The following DMD variants were observed in gnomAD, a reference collection of about 807,000 sequenced individuals.
The protein encoded by DMD is mutant dystrophin.
Under a neutral mutation model 330.1 loss-of-function variants are expected in DMD, and 63 were observed. The observed-to-expected ratio is 0.19, with a 90% CI of 0.16 to 0.24. The LOEUF (loss-of-function observed/expected upper bound fraction) is 0.24, where lower values mean the gene tolerates loss of function less well. Among genes scored for constraint, DMD ranks in the 10% least tolerant of loss-of-function variants. The pLI, the probability that DMD is intolerant of heterozygous loss-of-function variation, is 1.00. For synonymous variants in DMD, 1,223 were observed against 959.8 expected (o/e 1.27, Z -5.07); for missense variants, 3,344 against 2,684.1 (o/e 1.25, Z -5.43).
intron 44 of DMD, among the ~76,000 whole-genome samples, chrX:32,115,164 A>C (rs1282484450): frequency 9.0e-6 from 1 of 110,926 alleles, no homozygotes; most frequent in Non-Finnish European, 1.9e-5. Flanking sequence ...TCTTTTCCCA[A>C]ACTCTCCTCC....
intron 44 of DMD, among the ~76,000 whole-genome samples, chrX:32,154,316 T>C (rs936616784): frequency 1.8e-5 from 2 of 112,161 alleles, no homozygotes; most frequent in Non-Finnish European, 3.8e-5. Flanking sequence ...AAACTCTTAC[T>C]GAAAGGAAAA....
intron 60 of DMD, among the ~76,000 whole-genome samples, chrX:31,393,329 T>A (rs2060761504): frequency 9.1e-6 from 1 of 109,788 alleles, no homozygotes; most frequent in Non-Finnish European, 1.9e-5. Context: ...ATACAAAAAT[T>A]AGCCGGGCAT....
chrX:31,497,444 A>G (rs1021484762), intron 56 of DMD, among the ~76,000 whole-genome samples: 1 of 111,197 alleles, frequency 9.0e-6, no homozygotes, highest in Non-Finnish European at 1.9e-5. Context: ...CCTCTTCCCA[A>G]ATGCGTCTCC....
At chrX:33,230,968 A>AT (rs201095841) in intron 1 of DMD, among the ~76,000 whole-genome samples, 4,930 of 108,127 alleles carry the variant, frequency 0.046, 250 homozygotes, top group African/African-American at 0.17. Context: ...AAAAAAAAAA[A>AT]AAAATAAATA....
intron 59 of DMD, among the ~76,000 whole-genome samples, chrX:31,448,011 C>CAAAA (rs1198070119): frequency 8.5e-5 from 3 of 35,299 alleles, no homozygotes; most frequent in Non-Finnish European, 1.1e-4. Context: ...ACTCTGTCTC[C>CAAAA]AAAAAAAAAA....
chrX:32,152,334 T>A (rs1355979880), intron 44 of DMD, among the ~76,000 whole-genome samples: 2 of 111,768 alleles, frequency 1.8e-5, no homozygotes, highest in Non-Finnish European at 3.8e-5. Context: ...ATTATTTTTT[T>A]AAAAGACTTG....
At chrX:32,417,809 T>G (rs376065804) in intron 29 of DMD, among the ~76,000 whole-genome samples, 3 of 103,188 alleles carry the variant, frequency 2.9e-5, no homozygotes, top group African/African-American at 1.1e-4. Context: ...AAACCCGAAC[T>G]TTGTATCTCT....
chrX:31,516,616 C>T (rs1045341623), intron 55 of DMD, among the ~76,000 whole-genome samples: 4 of 111,908 alleles, frequency 3.6e-5, no homozygotes, highest in Admixed American at 2.9e-4. Flanking sequence ...CACTGCATTG[C>T]GTTGCATCTT....
intron 55 of DMD, among the ~76,000 whole-genome samples, chrX:31,622,892 A>ACACG (rs1243132076): frequency 9.6e-6 from 1 of 104,229 alleles, no homozygotes; most frequent in Non-Finnish European, 2.0e-5. Context: ...ACACACACAC[A>ACACG]CACACACACA....
chrX:31,237,742 C>T (rs187527388), intron 63 of DMD, among the ~76,000 whole-genome samples: 18 of 111,462 alleles, frequency 1.6e-4, no homozygotes, highest in Non-Finnish European at 3.0e-4. Flanking sequence ...TTTTTTTAGA[C>T]GGAGTCTCAT....
intron 1 of DMD, among the ~76,000 whole-genome samples, chrX:33,097,943 G>A (rs1034828998): frequency 9.0e-6 from 1 of 111,110 alleles, no homozygotes. Flanking sequence ...GGGCTCAATA[G>A]TCACATATGG....
At chrX:31,766,599 TTA>T (rs1195706997) in intron 51 of DMD, among the ~76,000 whole-genome samples, 1 of 112,016 alleles carries the variant, frequency 8.9e-6, no homozygotes, top group East Asian at 2.8e-4. Context: ...ATAAACTTCC[TTA>T]TCAGAATCCC....
chrX:32,119,806 G>A (rs956193907), intron 44 of DMD, among the ~76,000 whole-genome samples: 34 of 112,255 alleles, frequency 3.0e-4, no homozygotes, highest in African/African-American at 8.7e-4. Context: ...GTCTTTATGC[G>A]AACTGTTTCT....
chrX:32,681,789 ATAAC>A (rs2062444246), intron 9 of DMD, among the ~76,000 whole-genome samples: 1 of 112,166 alleles, frequency 8.9e-6, no homozygotes, highest in South Asian at 3.7e-4. Context: ...GTCAGTAGTG[ATAAC>A]TACAATGAGG....
At chrX:31,268,345 A>T (rs1343951345) in intron 62 of DMD, among the ~76,000 whole-genome samples, 2 of 112,817 alleles carry the variant, frequency 1.8e-5, no homozygotes, top group Non-Finnish European at 3.7e-5. Flanking sequence ...AGGATTCTTT[A>T]TTACCTTTAA....
At chrX:31,836,579 T>C (rs1444227597) in intron 49 of DMD, 139 bp downstream of exon 49, 5 of 537,962 alleles carry the variant, frequency 9.3e-6, no homozygotes, top group Non-Finnish European at 1.3e-5. Flanking sequence ...CAGCTTTGCC[T>C]CTGCTATTAC....
At chrX:31,677,112 T>C (rs1374681090) in intron 53 of DMD, among the ~76,000 whole-genome samples, 1 of 111,285 alleles carries the variant, frequency 9.0e-6, no homozygotes, top group African/African-American at 3.3e-5. Flanking sequence ...ATAGCAATTA[T>C]AATACAATTC....
chrX:32,680,239 G>C (rs1247831543), intron 9 of DMD, among the ~76,000 whole-genome samples: 2 of 110,810 alleles, frequency 1.8e-5, no homozygotes, highest in Non-Finnish European at 3.8e-5. Context: ...AAAAAACTAA[G>C]CTATCATATT....
intron 9 of DMD, among the ~76,000 whole-genome samples, chrX:32,649,781 T>C (rs540826977): frequency 2.7e-5 from 3 of 110,543 alleles, no homozygotes; most frequent in African/African-American, 9.9e-5. Context: ...TCTGAATATA[T>C]AAATATATTT....
Sources: allele counts gnomAD v4.1 joint callset (sites outside exome capture counted in the v4.1 genomes callset), GRCh38; gene constraint gnomAD v4.1.1; transcripts MANE v1.5; gene names NCBI Gene and HGNC (gene_info 2026-07-23, HGNC 2026-07-21).